PCCA: variants seen among roughly 807,000 people sequenced by gnomAD.
PCCA encodes the protein propionyl-CoA carboxylase alpha chain, mitochondrial.
A neutral mutation model predicts 101.3 loss-of-function variants in PCCA; 74 were observed. The observed-to-expected ratio is 0.73, with a 90% CI of 0.61 to 0.89. PCCA has a LOEUF of 0.89. Among genes scored for constraint, PCCA ranks in the 40% least tolerant of loss-of-function variants. The probability of loss-of-function intolerance (pLI) is 0.00; values close to 1 mark genes in which losing one functional copy is unlikely to be tolerated. For missense variants in PCCA, 891 were observed against 907.0 expected (o/e 0.98, Z 0.23); for synonymous variants, 294 against 313.6 (o/e 0.94, Z 0.66).
At chr13:100,319,788 C>G (rs2067805174) in intron 16 of PCCA, among the ~76,000 whole-genome samples, 1 of 152,156 alleles carries the variant, frequency 6.6e-6, no homozygotes, top group African/African-American at 2.4e-5. Flanking sequence ...CAGGTTTGTT[C>G]TTTTGGCTTA....
chr13:100,387,010 T>C (rs1006671973), intron 19 of PCCA, among the ~76,000 whole-genome samples: 1 of 152,218 alleles, frequency 6.6e-6, no homozygotes, highest in African/African-American at 2.4e-5. Context: ...CTTAATTACC[T>C]TTCAAGAAAC....
At chr13:100,234,652 AT>A (rs58117858) in intron 7 of PCCA, among the ~76,000 whole-genome samples, 112,281 of 150,712 alleles carry the variant, frequency 0.75, 43,019 homozygotes, top group African/African-American at 0.93. Flanking sequence ...TTTAAAGAAG[AT>A]TTTTTTTTAT....
intron 18 of PCCA, among the ~76,000 whole-genome samples, chr13:100,362,294 TA>T (rs1161834178): frequency 6.6e-6 from 1 of 151,188 alleles, no homozygotes; most frequent in Non-Finnish European, 1.5e-5. Context: ...GAGTAAAATT[TA>T]AAAAAAAATA....
At chr13:100,093,254 G>A (rs1314391496) in intron 1 of PCCA, among the ~76,000 whole-genome samples, 1 of 152,202 alleles carries the variant, frequency 6.6e-6, no homozygotes, top group South Asian at 2.1e-4. Flanking sequence ...CCAGGGATAC[G>A]AGGCTAGAGT....
chr13:100,529,158 G>T (rs1176990178), intron 23 of PCCA, among the ~76,000 whole-genome samples: 1 of 152,042 alleles, frequency 6.6e-6, no homozygotes, highest in African/African-American at 2.4e-5. Flanking sequence ...CGAAGCCCCC[G>T]TGCAAAGTAG....
chr13:100,306,607 C>T (rs116495362), intron 14 of PCCA, among the ~76,000 whole-genome samples: 2 of 151,978 alleles, frequency 1.3e-5, no homozygotes, highest in African/African-American at 4.8e-5. Flanking sequence ...CCCTACCCCC[C>T]ACCCCAAGAA....
chr13:100,455,956 T>G (rs1205023289), intron 21 of PCCA, among the ~76,000 whole-genome samples: 1 of 152,138 alleles, frequency 6.6e-6, no homozygotes, highest in African/African-American at 2.4e-5. Flanking sequence ...CACCTCAGCC[T>G]CCCAAAGTGC....
intron 10 of PCCA, among the ~76,000 whole-genome samples, chr13:100,266,417 C>A (rs573302274): frequency 1.3e-5 from 2 of 152,114 alleles, no homozygotes; most frequent in Non-Finnish European, 2.9e-5. Context: ...AGTTAATAGG[C>A]CACACAGATG....
At chr13:100,244,885 T>A (rs2061345367) in intron 8 of PCCA, among the ~76,000 whole-genome samples, 2 of 151,982 alleles carry the variant, frequency 1.3e-5, no homozygotes, top group South Asian at 4.1e-4. Flanking sequence ...TAAATATGTT[T>A]ATATAGTTAT....
At chr13:100,308,067 A>G (rs2066603911) in intron 15 of PCCA, among the ~76,000 whole-genome samples, 1 of 151,978 alleles carries the variant, frequency 6.6e-6, no homozygotes, top group Non-Finnish European at 1.5e-5. Flanking sequence ...GTTAGCCAGG[A>G]TGGTCTCCAT....
chr13:100,348,731 TC>T (rs1225823785), intron 18 of PCCA, among the ~76,000 whole-genome samples: 1,125 of 76,884 alleles, frequency 0.015, 81 homozygotes, highest in African/African-American at 0.034. Flanking sequence ...TTTTTTCCTT[TC>T]TTTCTTTCTT....
intron 4 of PCCA, chr13:100,150,879 G>C: frequency 6.4e-7 from 1 of 1,563,020 alleles, no homozygotes; most frequent in South Asian, 1.1e-5. Context: ...GGAACTGGGC[G>C]TTTTCGGCCA....
intron 19 of PCCA, among the ~76,000 whole-genome samples, chr13:100,393,082 T>C (rs1210638634): frequency 6.6e-6 from 1 of 152,234 alleles, no homozygotes; most frequent in Non-Finnish European, 1.5e-5. Context: ...GTTAGTTGTA[T>C]GTCTCTCTAT....
At chr13:100,272,347 A>G (rs1233089426) in intron 11 of PCCA, among the ~76,000 whole-genome samples, 1 of 152,232 alleles carries the variant, frequency 6.6e-6, no homozygotes, top group Non-Finnish European at 1.5e-5. Flanking sequence ...GTGGATTAAT[A>G]CATAATTTTG....
At chr13:100,103,918 G>T (rs2047518812) in intron 2 of PCCA, among the ~76,000 whole-genome samples, 1 of 152,246 alleles carries the variant, frequency 6.6e-6, no homozygotes, top group African/African-American at 2.4e-5. Flanking sequence ...TTACAGGCGT[G>T]AGCCACTGTG....
At chr13:100,089,264 G>A (rs2152190462) in intron 1 of PCCA, 39 bp downstream of exon 1, 1 of 1,454,524 alleles carries the variant, frequency 6.9e-7, no homozygotes, top group African/African-American at 1.5e-5. Context: ...GGGCTTCACT[G>A]GGCTTCTAGC....
At chr13:100,373,401 A>G (rs985680600) in intron 19 of PCCA, among the ~76,000 whole-genome samples, 12 of 152,212 alleles carry the variant, frequency 7.9e-5, no homozygotes, top group African/African-American at 2.9e-4. Context: ...TTAAAAGTAG[A>G]ATTACATAGT....
At chr13:100,426,366 A>G (rs567038545) in intron 20 of PCCA, among the ~76,000 whole-genome samples, 14 of 152,152 alleles carry the variant, frequency 9.2e-5, no homozygotes, top group African/African-American at 3.4e-4. Context: ...TAGGAAAAAA[A>G]AAAAAATCAT....
chr13:100,268,009 T>A (rs997386651), intron 10 of PCCA, among the ~76,000 whole-genome samples: 1 of 152,210 alleles, frequency 6.6e-6, no homozygotes, highest in Admixed American at 6.5e-5. Flanking sequence ...TTGGAATATT[T>A]GCATTTATAC....
Sources: gnomAD v4.1 joint callset for allele counts (sites outside exome capture counted in the v4.1 genomes callset) on GRCh38, gnomAD v4.1.1 for gene constraint, MANE v1.5 for transcripts, NCBI Gene and HGNC (gene_info 2026-07-23, HGNC 2026-07-21) for gene names.